PSEN2: variants seen among roughly 807,000 people sequenced by gnomAD.
The protein encoded by PSEN2 is presenilin-2.
In PSEN2, 32 loss-of-function variants were observed where a neutral mutation model predicts 49.1. That is an observed-to-expected ratio of 0.65 (90% CI 0.49 to 0.88). The LOEUF (loss-of-function observed/expected upper bound fraction) is 0.88, where lower values mean the gene tolerates loss of function less well. Among genes scored for constraint, PSEN2 ranks in the 40% least tolerant of loss-of-function variants. The pLI, the probability that PSEN2 is intolerant of heterozygous loss-of-function variation, is 0.00. For missense variants in PSEN2, 522 were observed against 586.9 expected, an observed-to-expected ratio of 0.89 and a Z score of 1.14; for synonymous variants, 255 against 244.0, an observed-to-expected ratio of 1.05 and a Z score of -0.42.
At chr1:226,894,746 C>T (rs1662013313) in intron 12 of PSEN2, among the ~76,000 whole-genome samples, 1 of 152,212 alleles carries the variant, frequency 6.6e-6, no homozygotes, top group African/African-American at 2.4e-5. Context: ...CGCTTGGCAT[C>T]TGCCCCTTAG....
intron 3 of PSEN2, among the ~76,000 whole-genome samples, chr1:226,877,397 A>T (rs1043652597): frequency 6.6e-6 from 1 of 152,162 alleles, no homozygotes; most frequent in African/African-American, 2.4e-5. Context: ...GAATAGTAGC[A>T]CCTTGCTCCA....
In PSEN2 at chr1:226,895,544, A is replaced by G. The variant is rs200804459; in HGVS notation, c.1312A>G (p.Met438Val). The change falls in exon 13 of 13, where the codon ATG becomes GTG. Residue 438 changes from methionine (M) to valine (V), a missense_variant. Transcript: ENST00000366783. ...FSTDNLVRPFMDTLASHQLYI is the reference protein window; with the variant it reads ...FSTDNLVRPFVDTLASHQLYI Reference sequence around the variant, plus strand: ...CACGGACAACCTGGTGCGGCCGTTCATGGACACCCTGGCCTCCCATCAGCT... The same window carrying G: ...CACGGACAACCTGGTGCGGCCGTTCGTGGACACCCTGGCCTCCCATCAGCT... 6.2e-6 allele frequency: 10 copies of G among 1,613,728 alleles called. No individual in the cohort carries two copies. Among genetic ancestry groups the G allele is most frequent in the Non-Finnish European group, 8.5e-6 (10 of 1,179,844 alleles).
chr1:226,877,047 C>G (rs1359405408), intron 3 of PSEN2, among the ~76,000 whole-genome samples: 3 of 152,186 alleles, frequency 2.0e-5, no homozygotes, highest in African/African-American at 7.2e-5. Context: ...TTCATTGTCT[C>G]ACTCTCTCAT....
intron 2 of PSEN2, among the ~76,000 whole-genome samples, chr1:226,874,276 TGAG>T (rs1316168117): frequency 2.0e-5 from 3 of 152,178 alleles, no homozygotes; most frequent in Non-Finnish European, 2.9e-5. Flanking sequence ...CTGACTGGGC[TGAG>T]AAGAGCTCCT....
intron 6 of PSEN2, among the ~76,000 whole-genome samples, chr1:226,886,774 G>T (rs1214690208): frequency 6.6e-6 from 1 of 152,126 alleles, no homozygotes; most frequent in African/African-American, 2.4e-5. Context: ...GGGAGGGGCT[G>T]CAGGATGTGT....
intron 3 of PSEN2, among the ~76,000 whole-genome samples, chr1:226,879,789 G>C (rs912106891): frequency 6.6e-6 from 1 of 152,120 alleles, no homozygotes; most frequent in Non-Finnish European, 1.5e-5. Flanking sequence ...TACCCTCCTG[G>C]CTTTTAGCTG....
At chr1:226,887,688 T>C (rs1228031865) in intron 6 of PSEN2, among the ~76,000 whole-genome samples, 2 of 152,160 alleles carry the variant, frequency 1.3e-5, no homozygotes, top group Non-Finnish European at 2.9e-5. Flanking sequence ...ATATACTGTA[T>C]GTTTGTCTAT....
At chr1:226,900,932 TAAC>T (rs1181681108), downstream of PSEN2, among the ~76,000 whole-genome samples, 7 of 152,168 alleles carry the variant, frequency 4.6e-5, no homozygotes, top group African/African-American at 1.7e-4. Context: ...CAATAGGAGG[TAAC>T]TACTATTCTA....
chr1:226,897,600 T>C (rs530769207), downstream of PSEN2: 15 of 154,596 alleles, frequency 9.7e-5, no homozygotes, highest in African/African-American at 3.4e-4. Flanking sequence ...AGAAGAAAAA[T>C]GAGAGAATTT....
At chr1:226,873,836 G>A (rs1414035976) in intron 2 of PSEN2, among the ~76,000 whole-genome samples, 1 of 152,172 alleles carries the variant, frequency 6.6e-6, no homozygotes, top group Non-Finnish European at 1.5e-5. Flanking sequence ...TTTCTGTTAT[G>A]CCTTCAGAAT....
chr1:226,883,944 A>C, intron 5 of PSEN2, 25 bp downstream of exon 5: 4 of 386,428 alleles, frequency 1.0e-5, no homozygotes, highest in Non-Finnish European at 1.1e-5. Context: ...TGGGGGGAGC[A>C]GGGTGGGGTG....
chr1:226,889,205 C>T (rs760917242), intron 8 of PSEN2, among the ~76,000 whole-genome samples, 156 bp downstream of exon 8: 3 of 152,116 alleles, frequency 2.0e-5, no homozygotes, highest in Non-Finnish European at 4.4e-5. Context: ...CTTTGTAAAA[C>T]AGAGGGGGGT....
At chr1:226,898,818 GTT>G (rs1662230108), downstream of PSEN2, 1 of 152,132 alleles carries the variant, frequency 6.6e-6, no homozygotes, top group South Asian at 2.1e-4. Context: ...GTTTCACCGT[GTT>G]AGCCAGGAGG....
Position 226,882,016 on chromosome 1 carries a change from G to C in PSEN2, c.109G>C (p.Gly37Arg), listed in dbSNP as rs1558143495. The change falls in exon 4 of 13, where the codon GGC becomes CGC. Residue 37 changes from glycine (G) to arginine (R), a missense_variant. Transcript: ENST00000366783. The part of the protein sequence containing the change: ...TPRSCQEGRQ[G>R]PEDGENTAQW... ...GCGCTCCTGCCAGGAGGGCAGGCAG[G>C]GCCCAGAGGATGGAGAGAACACTGC... 1 of 1,614,174 alleles carries C rather than the reference G, an allele frequency of 6.2e-7. No homozygotes were observed. The highest frequency in any genetic ancestry group is 8.5e-7 in the Non-Finnish European group (1 of 1,180,036).
chr1:226,885,490 G>A (rs200894274), intron 5 of PSEN2, 48 bp from the exon 6 acceptor site: 28 of 1,605,806 alleles, frequency 1.7e-5, no homozygotes, highest in Non-Finnish European at 2.2e-5. Flanking sequence ...GGGGAGCCTC[G>A]AGGAGCAGTC....
chr1:226,879,484 T>C (rs1430015868), intron 3 of PSEN2, among the ~76,000 whole-genome samples: 1 of 152,126 alleles, frequency 6.6e-6, no homozygotes, highest in Non-Finnish European at 1.5e-5. Flanking sequence ...AAGCTCTTAC[T>C]CCTCCATCAG....
At chr1:226,887,383 G>C (rs1463693861) in intron 6 of PSEN2, among the ~76,000 whole-genome samples, 1 of 152,202 alleles carries the variant, frequency 6.6e-6, no homozygotes, top group Non-Finnish European at 1.5e-5. Flanking sequence ...GGGCTGAGCT[G>C]GTGACTGATG....
intron 2 of PSEN2, among the ~76,000 whole-genome samples, chr1:226,873,536 C>T (rs1314040782): frequency 1.3e-5 from 2 of 152,078 alleles, no homozygotes; most frequent in Non-Finnish European, 2.9e-5. Context: ...CTGCCTCAGC[C>T]TCCTGGGTAG....
intron 6 of PSEN2, among the ~76,000 whole-genome samples, chr1:226,887,878 C>T (rs901319181): frequency 1.3e-5 from 2 of 152,144 alleles, no homozygotes; most frequent in African/African-American, 4.8e-5. Context: ...TGAGGGAGTC[C>T]TGTCTGCATG....
Sources: gnomAD v4.1 joint callset for allele counts (sites outside exome capture counted in the v4.1 genomes callset) on GRCh38, gnomAD v4.1.1 for gene constraint, MANE v1.5 for transcripts, NCBI Gene and HGNC (gene_info 2026-07-23, HGNC 2026-07-21) for gene names.